PRKAR1B: variants seen among roughly 807,000 people sequenced by gnomAD.
The protein encoded by PRKAR1B is cAMP-dependent protein kinase type I-beta regulatory subunit.
In PRKAR1B, 22 loss-of-function variants were observed where a neutral mutation model predicts 46.5. The ratio of observed to expected loss-of-function variants is 0.47; its 90% confidence interval spans 0.34 to 0.68. The LOEUF is 0.68. PRKAR1B is among the 30% of genes least tolerant of loss of function. The probability of loss-of-function intolerance (pLI) is 0.01; values close to 1 mark genes in which losing one functional copy is unlikely to be tolerated. For synonymous variants in PRKAR1B, 259 were observed against 217.7 expected (o/e 1.19, Z -1.67); for missense variants, 445 against 535.6 (o/e 0.83, Z 1.67).
intron 9 of PRKAR1B, among the ~76,000 whole-genome samples, chr7:561,602 C>T (rs1445334182): frequency 6.6e-6 from 1 of 152,228 alleles, no homozygotes; most frequent in African/African-American, 2.4e-5. Flanking sequence ...CAATCATCCC[C>T]TGCCCGCTCC....
chr7:650,606 TG>T (rs1784854640), intron 4 of PRKAR1B, among the ~76,000 whole-genome samples: 1 of 152,158 alleles, frequency 6.6e-6, no homozygotes, highest in Non-Finnish European at 1.5e-5. Flanking sequence ...CCGAACAGCG[TG>T]GGGCACCTGT....
intron 2 of PRKAR1B, among the ~76,000 whole-genome samples, chr7:684,108 C>A (rs906866106): frequency 6.6e-6 from 1 of 151,862 alleles, no homozygotes; most frequent in African/African-American, 2.4e-5. Context: ...CCACGTGCAC[C>A]AATGCCCACC....
intron 4 of PRKAR1B, among the ~76,000 whole-genome samples, chr7:656,145 A>T (rs1055580944): frequency 1.3e-5 from 2 of 152,236 alleles, no homozygotes; most frequent in Admixed American, 6.5e-5. Context: ...TGGATGGGTG[A>T]ATGAATGGAT....
intron 4 of PRKAR1B, among the ~76,000 whole-genome samples, chr7:653,909 ATCACCT>A (rs1159767688): frequency 2.6e-5 from 4 of 151,874 alleles, no homozygotes; most frequent in South Asian, 2.1e-4. Context: ...CATCATCACC[ATCACCT>A]TCACCATCAC....
intron 4 of PRKAR1B, among the ~76,000 whole-genome samples, chr7:629,465 C>A (rs867424893): frequency 3.2e-5 from 4 of 124,774 alleles, no homozygotes; most frequent in Middle Eastern, 4.5e-3. Context: ...GCGCCACCAC[C>A]CCAGGGCTGG....
intron 4 of PRKAR1B, among the ~76,000 whole-genome samples, chr7:611,767 T>TG (rs1469816958): frequency 7.2e-5 from 8 of 111,888 alleles, no homozygotes; most frequent in African/African-American, 2.4e-4. Flanking sequence ...AGTAGACGAA[T>TG]GAATGGATGG....
Position 596,260 on chromosome 7 carries a change from G to A in PRKAR1B, c.594C>T (p.Gly198=), listed in dbSNP as rs776006801. The A allele has an allele frequency of 1.9e-6, 3 of 1,613,888 alleles. No individual in the cohort carries two copies. Among genetic ancestry groups the A allele is most frequent in the Non-Finnish European group, 2.5e-6 (3 of 1,179,902 alleles). ...GEWVTNISEG[G]SFGELALIYG... ...AGATGAGCGCCAGCTCCCCGAAGCTGCCTCCCTCGCTGATGTTGGTCACCC... is the reference window on the plus strand; with the variant it reads ...AGATGAGCGCCAGCTCCCCGAAGCTACCTCCCTCGCTGATGTTGGTCACCC... The change falls in exon 7 of 11, where the codon GGC becomes GGT. Residue 198 remains glycine, a synonymous_variant. Transcript: ENST00000537384.
chr7:611,778 ATGG>A (rs1415357847), intron 4 of PRKAR1B, among the ~76,000 whole-genome samples: 2 of 151,872 alleles, frequency 1.3e-5, no homozygotes, highest in African/African-American at 2.4e-5. Flanking sequence ...GAATGGATGG[ATGG>A]ATGGATGGAT....
rs777197882 is a variant in PRKAR1B, at chr7:554,851, C to T, written c.892-3381G>A. On this transcript the variant is annotated intron_variant, in intron 9 of 10. Coordinates refer to ENST00000537384, the MANE Select transcript of PRKAR1B (RefSeq NM_001164760.2). Reference sequence around the variant, plus strand: ...CCGGAAGACAGGGGAGGCCACGGATCCCACAGAGCCGGAAGATAGGGGAGG... The same window carrying T: ...CCGGAAGACAGGGGAGGCCACGGATTCCACAGAGCCGGAAGATAGGGGAGG... Among the ~76,000 whole-genome samples, 29 of 152,118 alleles carry T rather than the reference C, an allele frequency of 1.9e-4. 1 individual carries two copies. The highest frequency in any genetic ancestry group is 3.4e-3 in the Middle Eastern group (1 of 294).
intron 4 of PRKAR1B, among the ~76,000 whole-genome samples, chr7:657,457 C>G (rs913578536): frequency 6.6e-6 from 1 of 152,196 alleles, no homozygotes; most frequent in Non-Finnish European, 1.5e-5. Context: ...CTGACCTCTT[C>G]TCCCTCAATA....
At position 551,603 on chromosome 7, in the gene PRKAR1B, G is replaced by A. The variant is rs1044678117; in HGVS notation, c.892-133C>T. On this transcript the variant is annotated intron_variant, in intron 9 of 10. Coordinates refer to ENST00000537384, the MANE Select transcript of PRKAR1B (RefSeq NM_001164760.2). ...CCCAGGTCCTTCTCCCAGAGCCACT[G>A]CCGACACCACGTCACCACCCAAACC... The A allele has an allele frequency of 9.7e-6, 8 of 828,402 alleles. No individual in the cohort carries two copies. In the African/African-American group the frequency reaches 1.2e-4, roughly 13 times the overall value. 51.3% of individuals were successfully genotyped at this position (828,402 alleles called of 1,614,324 possible).
At chr7:570,904 T>C (rs1477536205) in intron 9 of PRKAR1B, among the ~76,000 whole-genome samples, 1 of 151,912 alleles carries the variant, frequency 6.6e-6, no homozygotes, top group Non-Finnish European at 1.5e-5. Context: ...ACTCTCTGTG[T>C]CGGGTCCTGC....
At chr7:600,230 G>A (rs1489201464) in intron 6 of PRKAR1B, among the ~76,000 whole-genome samples, 1 of 152,198 alleles carries the variant, frequency 6.6e-6, no homozygotes, top group African/African-American at 2.4e-5. Context: ...TAGGGCCGAG[G>A]GCAGTGGCTC....
At chr7:575,216 G>A (rs1354442077) in intron 9 of PRKAR1B, among the ~76,000 whole-genome samples, 1 of 152,222 alleles carries the variant, frequency 6.6e-6, no homozygotes, top group Non-Finnish European at 1.5e-5. Context: ...CTGGCGGGAC[G>A]TCCAAGATGG....
intron 9 of PRKAR1B, among the ~76,000 whole-genome samples, chr7:559,756 G>A (rs909700201): frequency 2.1e-4 from 32 of 152,326 alleles, no homozygotes; most frequent in Middle Eastern, 3.4e-3. Flanking sequence ...AGTTCTACAA[G>A]AGACAAATAT....
intron 9 of PRKAR1B, among the ~76,000 whole-genome samples, chr7:577,154 C>T (rs1317716532): frequency 6.6e-6 from 1 of 152,254 alleles, no homozygotes; most frequent in Non-Finnish European, 1.5e-5. Context: ...GCGGCCCCAG[C>T]CGCATTGCTG....
intron 2 of PRKAR1B, among the ~76,000 whole-genome samples, chr7:706,026 C>T (rs1156642871): frequency 6.7e-6 from 1 of 149,958 alleles, no homozygotes; most frequent in Non-Finnish European, 1.5e-5. Context: ...AACTCTGTCT[C>T]GAAAAGAAAA....
At chr7:582,838 G>A (rs561120760) in intron 8 of PRKAR1B, among the ~76,000 whole-genome samples, 188 of 152,370 alleles carry the variant, frequency 1.2e-3, no homozygotes, top group African/African-American at 4.1e-3. Flanking sequence ...GGCGGCAGAG[G>A]CCCTGCGTTT....
chr7:665,559 G>A (rs574340867), intron 4 of PRKAR1B, among the ~76,000 whole-genome samples: 6 of 152,302 alleles, frequency 3.9e-5, no homozygotes, highest in South Asian at 4.1e-4. Context: ...CTAACCTCAA[G>A]GTCTCCTCTG....
Sources: gnomAD v4.1 joint callset for allele counts (sites outside exome capture counted in the v4.1 genomes callset) on GRCh38, gnomAD v4.1.1 for gene constraint, MANE v1.5 for transcripts, NCBI Gene and HGNC (gene_info 2026-07-23, HGNC 2026-07-21) for gene names.